SPIDR: variants seen among roughly 807,000 people sequenced by gnomAD.
SPIDR encodes the protein scaffold protein involved in DNA repair, also known as DNA repair-scaffolding protein.
Under a neutral mutation model 104.6 loss-of-function variants are expected in SPIDR, and 93 were observed. That is an observed-to-expected ratio of 0.89 (90% confidence interval 0.75 to 1.06). The LOEUF is 1.06. Among genes scored for constraint, SPIDR ranks in the 50% least tolerant of loss-of-function variants. The pLI, the probability that SPIDR is intolerant of heterozygous loss-of-function variation, is 0.00. For synonymous variants in SPIDR, 431 were observed against 416.9 expected (o/e 1.03, Z -0.41); for missense variants, 1,154 against 1,111.2 (o/e 1.04, Z -0.55).
chr8:47,509,111 C>T (rs1310578690), intron 8 of SPIDR, among the ~76,000 whole-genome samples: 1 of 152,168 alleles, frequency 6.6e-6, no homozygotes, highest in Non-Finnish European at 1.5e-5. Context: ...GAGGCTTTCC[C>T]ACTACTCTGG....
intron 8 of SPIDR, among the ~76,000 whole-genome samples, chr8:47,493,084 T>C (rs1224892014): frequency 1.3e-5 from 2 of 151,042 alleles, no homozygotes; most frequent in Non-Finnish European, 1.5e-5. Context: ...TGTGTTTAAA[T>C]AGAACTTCGC....
intron 10 of SPIDR, among the ~76,000 whole-genome samples, chr8:47,658,337 G>A (rs1198638864): frequency 6.6e-6 from 1 of 151,582 alleles, no homozygotes; most frequent in Admixed American, 6.6e-5. Flanking sequence ...AGAATCGCTT[G>A]AACCCAGGAG....
chr8:47,518,111 A>G (rs2083434300), intron 8 of SPIDR, among the ~76,000 whole-genome samples: 1 of 152,242 alleles, frequency 6.6e-6, no homozygotes, highest in Non-Finnish European at 1.5e-5. Flanking sequence ...TTCAGTGAGT[A>G]TTCACAGATA....
intron 16 of SPIDR, among the ~76,000 whole-genome samples, chr8:47,718,774 T>C (rs921325027): frequency 2.0e-5 from 3 of 152,244 alleles, no homozygotes; most frequent in South Asian, 2.1e-4. Context: ...TCTTTTTTTT[T>C]CCCCTCAACT....
chr8:47,334,710 T>C (rs2049372367), intron 5 of SPIDR, among the ~76,000 whole-genome samples: 1 of 152,230 alleles, frequency 6.6e-6, no homozygotes, highest in African/African-American at 2.4e-5. Flanking sequence ...TTTATTGCAT[T>C]TTGACAATTT....
chr8:47,641,914 G>C (rs1563399271), intron 10 of SPIDR, among the ~76,000 whole-genome samples: 1 of 152,202 alleles, frequency 6.6e-6, no homozygotes, highest in Non-Finnish European at 1.5e-5. Context: ...CAGCACTCTG[G>C]GAAGGTAGGC....
At chr8:47,272,631 A>G (rs1247190630) in intron 1 of SPIDR, among the ~76,000 whole-genome samples, 3 of 152,116 alleles carry the variant, frequency 2.0e-5, no homozygotes, top group African/African-American at 4.8e-5. Flanking sequence ...CCTCGAGATG[A>G]TCCAGAGTTC....
At chr8:47,718,649 T>C (rs2082927560) in intron 16 of SPIDR, among the ~76,000 whole-genome samples, 9 of 152,162 alleles carry the variant, frequency 5.9e-5, no homozygotes, top group Admixed American at 5.9e-4. Flanking sequence ...GATAAAACTT[T>C]ATTTTATAAA....
intron 5 of SPIDR, among the ~76,000 whole-genome samples, chr8:47,337,459 C>G (rs1554610443): frequency 6.6e-6 from 1 of 152,036 alleles, no homozygotes; most frequent in African/African-American, 2.4e-5. Flanking sequence ...ATTGACTTGT[C>G]AGAGTTCCGT....
At chr8:47,341,276 G>A (rs1421352574) in intron 5 of SPIDR, among the ~76,000 whole-genome samples, 1 of 152,136 alleles carries the variant, frequency 6.6e-6, no homozygotes, top group Non-Finnish European at 1.5e-5. Context: ...TCACAGCAAG[G>A]CTATGAGGTA....
intron 8 of SPIDR, among the ~76,000 whole-genome samples, chr8:47,480,741 TCTC>T (rs2076814082): frequency 6.6e-6 from 1 of 152,216 alleles, no homozygotes; most frequent in African/African-American, 2.4e-5. Flanking sequence ...CACAGCATCT[TCTC>T]CTTCCTGTCC....
intron 5 of SPIDR, among the ~76,000 whole-genome samples, chr8:47,312,223 G>C (rs1484037400): frequency 2.6e-5 from 4 of 152,108 alleles, no homozygotes; most frequent in Non-Finnish European, 1.5e-5. Flanking sequence ...ATAGTCCTTT[G>C]GGTATATACC....
rs192749286 is a variant in SPIDR at position 47,695,873 on chromosome 8, G to A, written c.1686-4530G>A. The stretch of plus-strand genomic sequence containing the variant: ...ATGTGTGTAAAAATATGTAAATTTA[G>A]CATTGTTTCAATGGCAGTGAGGTGG... On this transcript the variant is annotated intron_variant, in intron 11 of 19. Coordinates refer to ENST00000297423, the MANE Select transcript of SPIDR (RefSeq NM_001080394.4). 9.2e-5 allele frequency among the ~76,000 whole-genome samples: 14 copies of A among 152,306 alleles called. No individual in the cohort carries two copies. In the East Asian group the frequency reaches 2.7e-3, roughly 29 times the overall value.
intron 8 of SPIDR, among the ~76,000 whole-genome samples, chr8:47,491,243 A>T (rs1368684472): frequency 2.6e-5 from 4 of 152,162 alleles, no homozygotes; most frequent in African/African-American, 7.2e-5. Context: ...GAAAAAATAG[A>T]ATAAACACTG....
chr8:47,728,149 G>A (rs556318106), intron 17 of SPIDR, among the ~76,000 whole-genome samples: 104 of 151,156 alleles, frequency 6.9e-4, no homozygotes, highest in African/African-American at 2.2e-3. Context: ...AGCAAAGATC[G>A]GCCAGGTGCA....
chr8:47,518,504 T>TA (rs1451578198), intron 8 of SPIDR, among the ~76,000 whole-genome samples: 1 of 152,174 alleles, frequency 6.6e-6, no homozygotes, highest in African/African-American at 2.4e-5. Context: ...GTGGTCCCAT[T>TA]ATGTGTCTAG....
At chr8:47,323,642 C>T (rs782567228) in intron 5 of SPIDR, among the ~76,000 whole-genome samples, 18 of 152,224 alleles carry the variant, frequency 1.2e-4, no homozygotes, top group Admixed American at 3.3e-4. Context: ...CCTTCAGTAA[C>T]GTATTCCTCA....
At chr8:47,522,438 T>C (rs887251988) in intron 8 of SPIDR, among the ~76,000 whole-genome samples, 1 of 152,166 alleles carries the variant, frequency 6.6e-6, no homozygotes, top group Non-Finnish European at 1.5e-5. Flanking sequence ...CTCCATTTGG[T>C]TGTCAGCAGC....
chr8:47,422,402 C>T (rs1271615170), intron 7 of SPIDR, among the ~76,000 whole-genome samples: 4 of 152,244 alleles, frequency 2.6e-5, no homozygotes, highest in East Asian at 1.9e-4. Context: ...GTAGGACCCT[C>T]CGAGCCACGT....
Sources: allele counts gnomAD v4.1 joint callset (sites outside exome capture counted in the v4.1 genomes callset), GRCh38; gene constraint gnomAD v4.1.1; transcripts MANE v1.5; gene names NCBI Gene and HGNC (gene_info 2026-07-23, HGNC 2026-07-21).